LATS2: variants seen among roughly 807,000 people sequenced by gnomAD.
LATS2 encodes the protein large tumor suppressor kinase 2.
In LATS2, 24 loss-of-function variants were observed where a neutral mutation model predicts 76.0. The observed-to-expected ratio is 0.32, with a 90% CI of 0.23 to 0.44. LATS2 has a LOEUF of 0.44. LATS2 is among the 20% of genes least tolerant of loss of function. LATS2 has a pLI of 1.00. For synonymous variants in LATS2, 692 were observed against 635.4 expected, an observed-to-expected ratio of 1.09 and a Z score of -1.34; for missense variants, 1,286 against 1,481.2, an observed-to-expected ratio of 0.87 and a Z score of 2.16.
chr13:20,991,217 G>C lies in LATS2; in HGVS notation c.475+55C>G. On this transcript the variant is annotated intron_variant, in intron 3 of 7. Transcript: ENST00000382592. This position sits in a 1 kb window ranked among gnomAD's most constrained non-coding sequence, Gnocchi z 4.9. ...GTTGGACCCCTCTGCACGTGGTTTT[G>C]TTGTCCTTAAGCCACAAACCATCTT... is the stretch of plus-strand genomic sequence containing the variant. 6.2e-7 allele frequency: 1 copy of C among 1,608,334 alleles called. No homozygotes were observed. The highest frequency in any genetic ancestry group is 1.1e-5 in the South Asian group (1 of 90,224).
intron 2 of LATS2, among the ~76,000 whole-genome samples, chr13:21,023,716 G>A (rs981937193): frequency 4.9e-5 from 7 of 143,256 alleles, no homozygotes; most frequent in Non-Finnish European, 8.9e-5. Flanking sequence ...GCTGACGCCT[G>A]TAATTCCAGC....
intron 2 of LATS2, among the ~76,000 whole-genome samples, chr13:21,004,366 G>A (rs777864982): frequency 6.6e-6 from 1 of 151,906 alleles, no homozygotes; most frequent in Non-Finnish European, 1.5e-5. Context: ...CCCAGGAGGT[G>A]GAGGTTGCAG....
intron 1 of LATS2, among the ~76,000 whole-genome samples, chr13:21,048,364 T>C (rs1873143346): frequency 6.6e-6 from 1 of 152,180 alleles, no homozygotes; most frequent in African/African-American, 2.4e-5. Context: ...TTTCTTCCCT[T>C]TCTTTGAAAA....
intron 2 of LATS2, among the ~76,000 whole-genome samples, chr13:20,993,571 G>A (rs1027774521): frequency 1.3e-5 from 2 of 151,054 alleles, no homozygotes; most frequent in Admixed American, 1.3e-4. Flanking sequence ...CTGCCCATGT[G>A]GGACATGGGA....
chr13:21,003,104 A>T (rs769942784), intron 2 of LATS2, among the ~76,000 whole-genome samples: 2 of 152,238 alleles, frequency 1.3e-5, no homozygotes, highest in Admixed American at 6.5e-5. Flanking sequence ...GTAAATTTTC[A>T]AATAGGTAAG....
intron 1 of LATS2, among the ~76,000 whole-genome samples, chr13:21,054,348 C>G (rs1218597780): frequency 6.6e-6 from 1 of 152,104 alleles, no homozygotes; most frequent in Non-Finnish European, 1.5e-5. Flanking sequence ...GCGGGGGCTG[C>G]TGTGAGCCGA....
intron 2 of LATS2, among the ~76,000 whole-genome samples, chr13:21,025,863 T>A (rs1214504284): frequency 6.6e-6 from 1 of 152,074 alleles, no homozygotes; most frequent in Non-Finnish European, 1.5e-5. Flanking sequence ...GCCCTGTACG[T>A]CTGGGTTGAT....
At chr13:21,002,588 G>C (rs1194453847) in intron 2 of LATS2, among the ~76,000 whole-genome samples, 1 of 152,042 alleles carries the variant, frequency 6.6e-6, no homozygotes, top group Admixed American at 6.6e-5. Flanking sequence ...ATGTTGCCCA[G>C]GATGGTCTGG....
rs147871895 is a variant in LATS2, at chr13:21,038,336, T to C, written c.342+7349A>G. On this transcript the variant is annotated intron_variant, in intron 2 of 7. Coordinates refer to ENST00000382592, the MANE Select transcript of LATS2 (RefSeq NM_014572.3). Reference sequence around the variant, plus strand: ...ACACAAAAAGTGTGTGTGTGGTATATGTATTATATAGTTTAATATATAATT... The same window carrying C: ...ACACAAAAAGTGTGTGTGTGGTATACGTATTATATAGTTTAATATATAATT... Among the ~76,000 whole-genome samples the C allele has an allele frequency of 8.3e-3, 1,269 of 152,248 alleles. 12 individuals carry two copies. The highest frequency in any genetic ancestry group is 0.029 in the African/African-American group (1,222 of 41,542).
chr13:20,989,363 A>T, intron 3 of LATS2, 59 bp from the exon 4 acceptor site: 1 of 1,580,838 alleles, frequency 6.3e-7, no homozygotes, highest in Admixed American at 1.7e-5. Flanking sequence ...GGGTTCTGGC[A>T]CTTCCAGGCT....
At chr13:21,042,011 T>A (rs543290781) in intron 2 of LATS2, among the ~76,000 whole-genome samples, 2 of 152,314 alleles carry the variant, frequency 1.3e-5, no homozygotes, top group African/African-American at 2.4e-5. Flanking sequence ...CAAACTTAAA[T>A]GATCACTTAT....
chr13:21,041,133 C>T (rs748464572), intron 2 of LATS2, among the ~76,000 whole-genome samples: 4 of 152,068 alleles, frequency 2.6e-5, no homozygotes, highest in South Asian at 2.1e-4. Context: ...CCACCATGCC[C>T]GGCTAATTTT....
rs142152183 is a variant in LATS2 at position 20,983,447 on chromosome 13, C to G, written c.2259G>C (p.Met753Ile). The change falls in exon 5 of 8, where the codon ATG (methionine) becomes ATC (isoleucine). Residue 753 changes from methionine to isoleucine, a missense_variant. Transcript: ENST00000382592. ...CCTCCATCCGGATCAGCAGGCTCATCATGTCCCCACCAGGGATGTAGTCCA... is the reference window on the plus strand; with the variant it reads ...CCTCCATCCGGATCAGCAGGCTCATGATGTCCCCACCAGGGATGTAGTCCA... ...FVMDYIPGGDMMSLLIRMEVF... is the reference protein window; with the variant it reads ...FVMDYIPGGDIMSLLIRMEVF... 1.2e-6 allele frequency: 2 copies of G among 1,613,992 alleles called. No homozygotes were observed. The highest frequency in any genetic ancestry group is 1.3e-5 in the African/African-American group (1 of 74,912).
chr13:21,017,484 C>T (rs1370007464), intron 2 of LATS2, among the ~76,000 whole-genome samples: 2 of 152,086 alleles, frequency 1.3e-5, no homozygotes, highest in Non-Finnish European at 2.9e-5. Flanking sequence ...TGATTCTTTA[C>T]ATTGTTATGT....
At chr13:21,047,467 C>A (rs1873113387) in intron 1 of LATS2, among the ~76,000 whole-genome samples, 1 of 152,236 alleles carries the variant, frequency 6.6e-6, no homozygotes, top group South Asian at 2.1e-4. Flanking sequence ...GCACCCCACA[C>A]CGTGCCAAAG....
chr13:21,033,224 G>C lies in LATS2; in HGVS notation c.342+12461C>G, dbSNP rs373725855. ...CAATGTAAGCTAGGAACCTTTGTTAGACCAGACCTGGTTGAGAAAGAAAGA... is the reference window on the plus strand; with the variant it reads ...CAATGTAAGCTAGGAACCTTTGTTACACCAGACCTGGTTGAGAAAGAAAGA... On this transcript the variant is annotated intron_variant, in intron 2 of 7. Transcript: ENST00000382592. 1.8e-3 allele frequency among the ~76,000 whole-genome samples: 274 copies of C among 152,204 alleles called. 1 individual carries two copies. Among genetic ancestry groups the C allele is most frequent in the African/African-American group, 5.8e-3 (241 of 41,532 alleles).
chr13:20,994,085 T>C (rs1354748959), intron 2 of LATS2, among the ~76,000 whole-genome samples: 1 of 152,174 alleles, frequency 6.6e-6, no homozygotes. Context: ...TCAAATTCCC[T>C]CCCTGTTTAT....
intron 2 of LATS2, among the ~76,000 whole-genome samples, chr13:21,014,352 A>G (rs1209064096): frequency 2.0e-5 from 3 of 152,090 alleles, no homozygotes; most frequent in Non-Finnish European, 4.4e-5. Context: ...ACAGAGACAC[A>G]TGAGCCAAAG....
intron 2 of LATS2, among the ~76,000 whole-genome samples, chr13:21,017,776 C>T: frequency 6.6e-6 from 1 of 152,012 alleles, no homozygotes; most frequent in East Asian, 1.9e-4. Flanking sequence ...CAGGCGCCCA[C>T]CACCACACCC....
Sources: gnomAD v4.1 joint callset for allele counts (sites outside exome capture counted in the v4.1 genomes callset) on GRCh38, gnomAD v4.1.1 for gene constraint, Gnocchi (gnomAD v3.1) non-coding constraint, MANE v1.5 for transcripts, NCBI Gene and HGNC (gene_info 2026-07-23, HGNC 2026-07-21) for gene names.